The following HTR1E variants were observed in gnomAD, a reference collection of about 807,000 sequenced individuals.
HTR1E encodes 5-hydroxytryptamine receptor 1E.
A neutral mutation model predicts 3.4 loss-of-function variants in HTR1E; 3 were observed. The ratio of observed to expected loss-of-function variants is 0.89; its 90% CI spans 0.41 to 2.31. The LOEUF (loss-of-function observed/expected upper bound fraction) is 2.31. Ranked by LOEUF, HTR1E falls within the 30% of genes most tolerant of loss-of-function variation. The pLI, the probability that HTR1E is intolerant of heterozygous loss-of-function variation, is 0.05. For synonymous variants in HTR1E, 170 were observed against 182.8 expected, an observed-to-expected ratio of 0.93 and a Z score of 0.56; for missense variants, 392 against 467.0, an observed-to-expected ratio of 0.84 and a Z score of 1.48.
chr6:87,001,038 G>C (rs1768016312), intron 1 of HTR1E, among the ~76,000 whole-genome samples: 1 of 152,052 alleles, frequency 6.6e-6, no homozygotes. Context: ...TTTTCTCTTT[G>C]CTTATTAGTT....
intron 1 of HTR1E, among the ~76,000 whole-genome samples, chr6:86,961,488 A>C (rs1267390409): frequency 3.9e-5 from 6 of 152,206 alleles, no homozygotes; most frequent in African/African-American, 1.4e-4. Context: ...TTGGTATAAA[A>C]TTTTATTATT....
At chr6:86,993,584 T>C (rs1207538451) in intron 1 of HTR1E, among the ~76,000 whole-genome samples, 2 of 147,796 alleles carry the variant, frequency 1.4e-5, no homozygotes, top group Non-Finnish European at 3.0e-5. Flanking sequence ...AAAAAAAAAG[T>C]GACTCTATCT....
chr6:86,958,000 A>T (rs1211200967), intron 1 of HTR1E, among the ~76,000 whole-genome samples: 1 of 152,070 alleles, frequency 6.6e-6, no homozygotes, highest in African/African-American at 2.4e-5. Context: ...TTTAATTTTT[A>T]AAATTGTTTT....
At chr6:87,007,877 T>C (rs1373198096) in intron 1 of HTR1E, among the ~76,000 whole-genome samples, 1 of 152,076 alleles carries the variant, frequency 6.6e-6, no homozygotes, top group Admixed American at 6.5e-5. Context: ...GAGGTTGCAG[T>C]GAGCCAAGAT....
chr6:86,980,064 T>C (rs138935224), intron 1 of HTR1E, among the ~76,000 whole-genome samples: 1 of 152,140 alleles, frequency 6.6e-6, no homozygotes, highest in Non-Finnish European at 1.5e-5. Flanking sequence ...AGCTGGATTA[T>C]CTTAGCTGAC....
chr6:86,950,473 A>C (rs1473747575), intron 1 of HTR1E, among the ~76,000 whole-genome samples: 2 of 152,168 alleles, frequency 1.3e-5, no homozygotes, highest in Admixed American at 1.3e-4. Flanking sequence ...AATTCAGACA[A>C]AGCCCTGCCA....
chr6:86,961,966 G>A (rs796958342), intron 1 of HTR1E, among the ~76,000 whole-genome samples: 20 of 152,192 alleles, frequency 1.3e-4, no homozygotes, highest in African/African-American at 4.3e-4. Context: ...AGTTAGTTAC[G>A]TGCATGCCTC....
intron 1 of HTR1E, among the ~76,000 whole-genome samples, chr6:86,968,533 T>G (rs367925727): frequency 3.2e-4 from 49 of 152,322 alleles, no homozygotes; most frequent in African/African-American, 1.1e-3. Context: ...AATCTCATGG[T>G]AGTTTCATTT....
At chr6:86,995,665 CAAAAAAAAAAAAAAAAAAAAAAG>C (rs1299789551) in intron 1 of HTR1E, among the ~76,000 whole-genome samples, 2 of 36,688 alleles carry the variant, frequency 5.5e-5, no homozygotes, top group Non-Finnish European at 1.1e-4. Context: ...GACTCCATCT[CAAAAAAAAAAAAAAAAAAAAAAG>C]AAAAAAAAAA....
chr6:86,983,250 C>T (rs956332150), intron 1 of HTR1E, among the ~76,000 whole-genome samples: 7 of 152,086 alleles, frequency 4.6e-5, no homozygotes, highest in African/African-American at 1.7e-4. Flanking sequence ...AAAATTCTTC[C>T]CTAAGAAATC....
intron 1 of HTR1E, among the ~76,000 whole-genome samples, chr6:86,975,246 T>G (rs2127823986): frequency 6.6e-6 from 1 of 152,334 alleles, no homozygotes; most frequent in Non-Finnish European, 1.5e-5. Context: ...TCCAGCTTTC[T>G]CCCTTTCCAT....
intron 1 of HTR1E, among the ~76,000 whole-genome samples, chr6:87,002,749 A>T (rs1768043979): frequency 6.6e-6 from 1 of 152,224 alleles, no homozygotes; most frequent in Non-Finnish European, 1.5e-5. Context: ...CTAGCTAGGC[A>T]GAAAAGTTCT....
rs568786844 is a variant in HTR1E, at chr6:86,958,473, G to A, written c.-186+20650G>A. Among the ~76,000 whole-genome samples the A allele has an allele frequency of 5.3e-5, 8 of 152,054 alleles. No homozygotes were observed. The South Asian group carries it at 8.3e-4, about 16-fold the overall frequency. On this transcript the variant is annotated intron_variant, in intron 1 of 1. Transcript: ENST00000305344. ...TTTTTTCCCTCATGATACTTGCTAC[G>A]ATCCAAAATTAATAAGTATCTGTTG... is the stretch of plus-strand genomic sequence containing the variant.
intron 1 of HTR1E, among the ~76,000 whole-genome samples, chr6:86,955,317 G>C (rs957854386): frequency 2.0e-5 from 3 of 152,170 alleles, no homozygotes; most frequent in African/African-American, 4.8e-5. Flanking sequence ...TTTGTTATCA[G>C]ATCAAATGAG....
At position 87,015,427 on chromosome 6, in the gene HTR1E, C is replaced by A. The variant is rs896845701; in HGVS notation, c.93C>A (p.Val31=). 4 of 1,613,580 alleles carry A rather than the reference C, an allele frequency of 2.5e-6. No homozygotes were observed. Among genetic ancestry groups the A allele is most frequent in the African/African-American group, 2.7e-5 (2 of 74,898 alleles). ...EKMLICMTLV[V]ITTLTTLLNL... is the part of the protein sequence containing the mutation. ...TGCTCATTTGCATGACTCTGGTGGT[C>A]ATCACCACCCTCACCACGTTGCTGA... is the stretch of plus-strand genomic sequence containing the variant. Residue 31 remains valine, a synonymous_variant, in exon 2 of 2, where the codon GTC becomes GTA. Coordinates refer to ENST00000305344, the MANE Select transcript of HTR1E (RefSeq NM_000865.3).
intron 1 of HTR1E, among the ~76,000 whole-genome samples, chr6:87,014,099 C>A (rs1048219261): frequency 4.6e-5 from 7 of 151,772 alleles, no homozygotes; most frequent in Non-Finnish European, 5.9e-5. Context: ...ACCACACACC[C>A]GGGCCTGTCG....
intron 1 of HTR1E, among the ~76,000 whole-genome samples, chr6:87,014,137 C>A (rs914357188): frequency 6.6e-6 from 1 of 152,052 alleles, no homozygotes; most frequent in Non-Finnish European, 1.5e-5. Context: ...GGAGTGATAG[C>A]ATTAGGAGAA....
intron 1 of HTR1E, among the ~76,000 whole-genome samples, chr6:86,956,138 A>G (rs188746604): frequency 8.5e-5 from 13 of 152,204 alleles, no homozygotes; most frequent in Admixed American, 2.6e-4. Flanking sequence ...AAGAAATAGA[A>G]AGTATTTTAC....
Position 87,016,643 on chromosome 6 carries a change from A to G in HTR1E, c.*211A>G, listed in dbSNP as rs1490931533. The stretch of plus-strand genomic sequence containing the variant: ...TTTTCTACCTCTGGTCTTATCTGTG[A>G]TACATAATTTCAAATAAACATTATC... On this transcript the variant is annotated 3_prime_UTR_variant, in exon 2 of 2. Coordinates refer to ENST00000305344, the MANE Select transcript of HTR1E (RefSeq NM_000865.3). The G allele has an allele frequency of 2.4e-6, 1 of 417,282 alleles. No individual in the cohort carries two copies. Among genetic ancestry groups the G allele is most frequent in the Non-Finnish European group, 4.4e-6 (1 of 229,316 alleles). 25.8% of individuals were successfully genotyped at this position (417,282 alleles called of 1,614,324 possible).
Sources: gnomAD v4.1 joint callset for allele counts (sites outside exome capture counted in the v4.1 genomes callset) on GRCh38, gnomAD v4.1.1 for gene constraint, MANE v1.5 for transcripts, NCBI Gene and HGNC (gene_info 2026-07-23, HGNC 2026-07-21) for gene names.